The following RAPGEF5 variants were observed in gnomAD, a reference collection of about 807,000 sequenced individuals.
RAPGEF5 encodes the protein M-Ras-regulated GEF.
A neutral mutation model predicts 125.2 loss-of-function variants in RAPGEF5; 65 were observed. The ratio of observed to expected loss-of-function variants is 0.52; its 90% CI spans 0.43 to 0.64. The LOEUF is 0.64. Among genes scored for constraint, RAPGEF5 ranks in the 30% least tolerant of loss-of-function variants. RAPGEF5 has a pLI of 0.00. For missense variants in RAPGEF5, 958 were observed against 1,048.1 expected, an observed-to-expected ratio of 0.91 and a Z score of 1.19; for synonymous variants, 391 against 385.9, an observed-to-expected ratio of 1.01 and a Z score of -0.16.
chr7:22,261,692 T>C (rs1562494801), intron 7 of RAPGEF5, among the ~76,000 whole-genome samples: 1 of 152,306 alleles, frequency 6.6e-6, no homozygotes, highest in East Asian at 1.9e-4. Context: ...TAATCAATAT[T>C]GTAGTATTGA....
intron 24 of RAPGEF5, among the ~76,000 whole-genome samples, chr7:22,127,851 A>G (rs1233890755): frequency 6.6e-6 from 1 of 152,220 alleles, no homozygotes; most frequent in Non-Finnish European, 1.5e-5. Context: ...TGACCTACTG[A>G]TTGAATTGTT....
intron 11 of RAPGEF5, among the ~76,000 whole-genome samples, chr7:22,179,864 G>A (rs1253355343): frequency 2.0e-5 from 3 of 152,186 alleles, no homozygotes; most frequent in Non-Finnish European, 2.9e-5. Context: ...GGGGAGGAAC[G>A]TTGAGTCTCA....
intron 11 of RAPGEF5, among the ~76,000 whole-genome samples, chr7:22,181,069 G>C (rs1227625066): frequency 6.6e-6 from 1 of 152,106 alleles, no homozygotes; most frequent in Non-Finnish European, 1.5e-5. Context: ...GACATCAAAG[G>C]TCACATTTTA....
chr7:22,283,626 T>G (rs555031901), intron 6 of RAPGEF5, among the ~76,000 whole-genome samples: 1 of 152,264 alleles, frequency 6.6e-6, no homozygotes, highest in Admixed American at 6.5e-5. Context: ...GATTTCACAT[T>G]AACACTTCAC....
At chr7:22,252,352 T>C (rs995705348) in intron 7 of RAPGEF5, among the ~76,000 whole-genome samples, 1 of 152,176 alleles carries the variant, frequency 6.6e-6, no homozygotes, top group African/African-American at 2.4e-5. Flanking sequence ...GCAATTCAAT[T>C]AGCTTTGTCT....
At chr7:22,134,542 C>T (rs963714787) in intron 23 of RAPGEF5, among the ~76,000 whole-genome samples, 1 of 152,184 alleles carries the variant, frequency 6.6e-6, no homozygotes, top group Non-Finnish European at 1.5e-5. Context: ...TAATATATGG[C>T]AGAAGGCTCT....
intron 8 of RAPGEF5, among the ~76,000 whole-genome samples, chr7:22,223,025 A>G (rs1269648665): frequency 2.0e-5 from 3 of 152,106 alleles, no homozygotes; most frequent in South Asian, 2.1e-4. Flanking sequence ...TTGACATCCA[A>G]GTGGAGTTGC....
rs887218327 is a variant in RAPGEF5 at position 22,122,646 on chromosome 7, A to T, written c.2537-125T>A. On this transcript the variant is annotated intron_variant, in intron 25 of 25. Transcript: ENST00000665637. ...GTGGGTTCTCATTAGTCAGAATCCC[A>T]TAAGAGGTGTCCTTGTCCTACAGTA... 5 of 666,970 alleles carry T rather than the reference A, an allele frequency of 7.5e-6. No individual in the cohort carries two copies. The African/African-American group carries it at 8.9e-5, about 12-fold the overall frequency. The allele number at this position is 666,970 out of a possible 1,614,324, so 41.3% of individuals were successfully genotyped here. A position where few individuals can be genotyped will look rare whatever the true frequency, so the allele number is the denominator to read the frequency against.
intron 8 of RAPGEF5, among the ~76,000 whole-genome samples, chr7:22,224,414 T>A (rs1785865468): frequency 6.6e-6 from 1 of 152,228 alleles, no homozygotes; most frequent in Non-Finnish European, 1.5e-5. Flanking sequence ...ATTTCTATTA[T>A]CTAGAAAATT....
At chr7:22,135,981 C>G (rs1243653956) in intron 23 of RAPGEF5, 57 bp downstream of exon 23, 3 of 1,397,224 alleles carry the variant, frequency 2.1e-6, no homozygotes, top group Non-Finnish European at 3.0e-6. Flanking sequence ...TCAATAGTTA[C>G]AGTAATAAAT....
chr7:22,343,376 G>A lies in RAPGEF5; in HGVS notation c.231+13454C>T, dbSNP rs868178860. On this transcript the variant is annotated intron_variant, in intron 1 of 25. Coordinates refer to ENST00000665637, the MANE Select transcript of RAPGEF5 (RefSeq NM_012294.5). ...GAAAGAGAGGGAAAAAAATTCCAGG[G>A]TTGATTTTTCCTCATAGAGAATTTT... is the stretch of plus-strand genomic sequence containing the variant. Among the ~76,000 whole-genome samples, 10 of 152,190 alleles carry A rather than the reference G, an allele frequency of 6.6e-5. No individual in the cohort carries two copies. In the South Asian group the frequency reaches 2.1e-3, roughly 32 times the overall value.
Position 22,267,299 on chromosome 7 carries a change from T to TA in RAPGEF5, c.748-288dup, listed in dbSNP as rs368647302. Among the ~76,000 whole-genome samples the TA allele has an allele frequency of 1.8e-3, 275 of 151,422 alleles. 1 individual carries two copies. The highest frequency in any genetic ancestry group is 6.2e-3 in the African/African-American group (258 of 41,334). On this transcript the variant is annotated intron_variant, in intron 6 of 25. Coordinates refer to ENST00000665637, the MANE Select transcript of RAPGEF5 (RefSeq NM_012294.5). ...CTACCCTGTGATGATGGGAAGTACC[T>TA]AAAAAAAAACTATATAATATTCAGA... is the stretch of plus-strand genomic sequence containing the variant.
chr7:22,169,859 CAAAAAA>C lies in RAPGEF5; in HGVS notation c.1205-2717_1205-2712del, dbSNP rs71026858. On this transcript the variant is annotated intron_variant, in intron 11 of 25. Transcript: ENST00000665637. ...TGTGCAACAGAGCGAGACTCTGTGT[CAAAAAA>C]AAAAAAAAAAAAAAAAGCTGAATCT... Among the ~76,000 whole-genome samples the C allele has an allele frequency of 2.3e-4, 6 of 25,946 alleles. 1 individual carries two copies. The highest frequency in any genetic ancestry group is 1.2e-3 in the African/African-American group (6 of 4,926). 17.0% of individuals were successfully genotyped at this position (25,946 alleles called of 152,430 possible). A position where few individuals can be genotyped will look rare whatever the true frequency, so the allele number is the denominator to read the frequency against.
intron 7 of RAPGEF5, among the ~76,000 whole-genome samples, chr7:22,236,139 T>A (rs1355533977): frequency 2.6e-5 from 4 of 152,194 alleles, no homozygotes; most frequent in Non-Finnish European, 5.9e-5. Flanking sequence ...GACTGTTGAC[T>A]TAAAACTCTC....
intron 6 of RAPGEF5, among the ~76,000 whole-genome samples, 183 bp downstream of exon 6, chr7:22,290,992 G>GGC: frequency 6.6e-6 from 1 of 152,146 alleles, no homozygotes; most frequent in African/African-American, 2.4e-5. Flanking sequence ...CTCATGAAGG[G>GGC]AGGCTCCATC....
intron 25 of RAPGEF5, 25 bp from the exon 26 acceptor site, chr7:22,122,546 A>T (rs756514615): frequency 1.3e-6 from 2 of 1,537,078 alleles, no homozygotes; most frequent in Non-Finnish European, 1.8e-6. Context: ...GGGAAAAAAG[A>T]CAATCTCAGG....
At chr7:22,182,878 T>C (rs1784715799) in intron 11 of RAPGEF5, among the ~76,000 whole-genome samples, 1 of 152,228 alleles carries the variant, frequency 6.6e-6, no homozygotes, top group Non-Finnish European at 1.5e-5. Flanking sequence ...AATGCAGCCT[T>C]CATCCTACGT....
At chr7:22,208,116 G>A (rs994802071) in intron 9 of RAPGEF5, among the ~76,000 whole-genome samples, 5 of 151,984 alleles carry the variant, frequency 3.3e-5, no homozygotes, top group South Asian at 2.1e-4. Context: ...ATTAAATGCC[G>A]GTATCTTTGG....
chr7:22,255,503 G>A (rs1270723446), intron 7 of RAPGEF5, among the ~76,000 whole-genome samples: 1 of 152,030 alleles, frequency 6.6e-6, no homozygotes, highest in Non-Finnish European at 1.5e-5. Context: ...TGAGGTGGGA[G>A]GATCACCTGA....
Sources: gnomAD v4.1 joint callset for allele counts (sites outside exome capture counted in the v4.1 genomes callset) on GRCh38, gnomAD v4.1.1 for gene constraint, MANE v1.5 for transcripts, NCBI Gene and HGNC (gene_info 2026-07-23, HGNC 2026-07-21) for gene names.